The following ARFGEF3 variants were observed in gnomAD, a reference collection of about 807,000 sequenced individuals.
ARFGEF3 encodes ARFGEF family member 3, also known as brefeldin A-inhibited guanine nucleotide-exchange protein 3.
ARFGEF3 carries 96 observed loss-of-function variants against 221.7 expected under a neutral mutation model. That is an observed-to-expected ratio of 0.43 (90% CI 0.37 to 0.51). The LOEUF (loss-of-function observed/expected upper bound fraction) is 0.51. Among genes scored for constraint, ARFGEF3 ranks in the 20% least tolerant of loss-of-function variants. ARFGEF3 has a pLI of 0.00. For missense variants in ARFGEF3, 2,410 were observed against 2,789.9 expected (o/e 0.86, Z 3.07); for synonymous variants, 1,145 against 1,126.8 (o/e 1.02, Z -0.32).
chr6:138,170,657 T>G lies in ARFGEF3; in HGVS notation c.86-5T>G. Reference sequence around the variant, plus strand: ...TATTTTAACTTTGTAATTTTTCTTTTGCAGAAACTCTAGGTGGTCTGGATA... The same window carrying G: ...TATTTTAACTTTGTAATTTTTCTTTGGCAGAAACTCTAGGTGGTCTGGATA... On this transcript the variant is annotated splice_region_variant and splice_polypyrimidine_tract_variant and intron_variant, in intron 1 of 33. Coordinates refer to ENST00000251691, the MANE Select transcript of ARFGEF3 (RefSeq NM_020340.5). 2 of 1,532,346 alleles carry G rather than the reference T, an allele frequency of 1.3e-6. No individual in the cohort carries two copies. The highest frequency in any genetic ancestry group is 1.8e-6 in the Non-Finnish European group (2 of 1,107,310). 94.9% of individuals were successfully genotyped at this position (1,532,346 alleles called of 1,614,324 possible).
chr6:138,229,182 C>T (rs1047224974), intron 4 of ARFGEF3, among the ~76,000 whole-genome samples: 10 of 152,094 alleles, frequency 6.6e-5, no homozygotes, highest in African/African-American at 1.7e-4. Context: ...TTTCTAATTC[C>T]GTGTGGATTT....
chr6:138,221,770 A>T (rs984425562), intron 4 of ARFGEF3, among the ~76,000 whole-genome samples: 1 of 152,194 alleles, frequency 6.6e-6, no homozygotes, highest in African/African-American at 2.4e-5. Context: ...GTGGCAATCA[A>T]TAAAGGCCAG....
rs781460478 is a variant in ARFGEF3, at chr6:138,289,949, T to G, written c.3028T>G (p.Cys1010Gly). 1.2e-6 allele frequency: 2 copies of G among 1,613,302 alleles called. No individual in the cohort carries two copies. Among genetic ancestry groups the G allele is most frequent in the South Asian group, 2.2e-5 (2 of 90,924 alleles). Residue 1010 changes from cysteine (C) to glycine (G), a missense_variant, in exon 18 of 34, where the codon TGC becomes GGC. Transcript: ENST00000251691. Reference sequence around the variant, plus strand: ...GGAGATGGGAAGCCACAACCCGGACTGCTGGCCACACGTGTTCAGGTGCAT... The same window carrying G: ...GGAGATGGGAAGCCACAACCCGGACGGCTGGCCACACGTGTTCAGGTGCAT... ...GLEMGSHNPD[C>G]WPHVFRVCEY... is the part of the protein sequence containing the mutation.
intron 2 of ARFGEF3, among the ~76,000 whole-genome samples, chr6:138,188,285 T>C (rs1777229576): frequency 6.6e-6 from 1 of 152,172 alleles, no homozygotes; most frequent in Non-Finnish European, 1.5e-5. Flanking sequence ...GCGAGAATAA[T>C]CATGTCAGGC....
chr6:138,292,236 A>T (rs1250530099), intron 19 of ARFGEF3, among the ~76,000 whole-genome samples, 183 bp downstream of exon 19: 1 of 152,196 alleles, frequency 6.6e-6, no homozygotes, highest in Non-Finnish European at 1.5e-5. Context: ...GTTTTCTACT[A>T]ACACTGGAGG....
intron 11 of ARFGEF3, among the ~76,000 whole-genome samples, chr6:138,261,935 T>TA (rs1778804251): frequency 7.2e-5 from 11 of 152,210 alleles, no homozygotes; most frequent in Admixed American, 6.5e-4. Flanking sequence ...GATTTCTTCA[T>TA]ATGTAGCCCC....
intron 13 of ARFGEF3, 86 bp from the exon 14 acceptor site, chr6:138,279,913 T>G (rs1008022180): frequency 1.6e-5 from 22 of 1,341,146 alleles, no homozygotes; most frequent in Admixed American, 3.5e-5. Context: ...CAGGGCTCTG[T>G]GACGTGAAGA....
intron 32 of ARFGEF3, among the ~76,000 whole-genome samples, chr6:138,333,186 C>T (rs1294240122): frequency 3.3e-5 from 5 of 152,136 alleles, no homozygotes; most frequent in African/African-American, 7.2e-5. Context: ...GTTTGGCAAA[C>T]ATAGTACAGG....
chr6:138,222,965 G>A (rs542369906), intron 4 of ARFGEF3, among the ~76,000 whole-genome samples: 2 of 152,170 alleles, frequency 1.3e-5, no homozygotes, highest in South Asian at 4.2e-4. Context: ...AAAATTCCTT[G>A]TTTACTCTGT....
chr6:138,298,375 C>A (rs561102028), intron 21 of ARFGEF3, among the ~76,000 whole-genome samples: 2 of 152,168 alleles, frequency 1.3e-5, no homozygotes, highest in African/African-American at 4.8e-5. Flanking sequence ...GGAAACTTTC[C>A]TTTTTCTAGA....
chr6:138,296,514 G>T (rs907370378), intron 20 of ARFGEF3, among the ~76,000 whole-genome samples: 3 of 152,024 alleles, frequency 2.0e-5, no homozygotes, highest in African/African-American at 7.3e-5. Context: ...CCAGACGGTC[G>T]GACTTCTCGG....
At chr6:138,217,141 T>C (rs1175262784) in intron 4 of ARFGEF3, 1 of 152,212 alleles carries the variant, frequency 6.6e-6, no homozygotes, top group African/African-American at 2.4e-5. Context: ...GATTTTCATA[T>C]TATCTATTAA....
At position 138,291,635 on chromosome 6, in the gene ARFGEF3, A is replaced by G; in HGVS notation, c.3048-98A>G. 1 of 812,886 alleles carries G rather than the reference A, an allele frequency of 1.2e-6. No homozygotes were observed. Among genetic ancestry groups the G allele is most frequent in the Non-Finnish European group, 1.7e-6 (1 of 584,836 alleles). The allele number at this position is 812,886 out of a possible 1,614,324, so 50.4% of individuals were successfully genotyped here. On this transcript the variant is annotated intron_variant, in intron 18 of 33. Transcript: ENST00000251691. This position sits in a 1 kb window ranked among gnomAD's most constrained non-coding sequence, Gnocchi z 4.5. ...GAAAGAGGAAAGCTGGGGAGCTTGC[A>G]GAGCTGGCTGCATTTCCTTTGTCTG...
chr6:138,336,728 A>G lies in ARFGEF3; in HGVS notation c.*242A>G, dbSNP rs542932208. 4 of 328,224 alleles carry G rather than the reference A, an allele frequency of 1.2e-5. No individual in the cohort carries two copies. Among genetic ancestry groups the G allele is most frequent in the Non-Finnish European group, 2.2e-5 (4 of 182,576 alleles). The allele number at this position is 328,224 out of a possible 1,614,324, so 20.3% of individuals were successfully genotyped here. On this transcript the variant is annotated 3_prime_UTR_variant, in exon 34 of 34. Transcript: ENST00000251691. ...TGCACATTATTATAGAAGAATCTAT[A>G]ATCCTTGATATGTTTCTAACTCTTG...
chr6:138,169,487 G>T lies in ARFGEF3; in HGVS notation c.86-1175G>T, dbSNP rs541622290. Reference sequence around the variant, plus strand: ...CTCTGTCCTGCGGGAAAACCATGCTGATCTGGTTGTTCACTGTCACTGCCT... The same window carrying T: ...CTCTGTCCTGCGGGAAAACCATGCTTATCTGGTTGTTCACTGTCACTGCCT... On this transcript the variant is annotated intron_variant, in intron 1 of 33. Transcript: ENST00000251691. Among the ~76,000 whole-genome samples the T allele has an allele frequency of 2.0e-5, 3 of 152,304 alleles. No individual in the cohort carries two copies. In the East Asian group the frequency reaches 5.8e-4, roughly 29 times the overall value.
chr6:138,308,923 T>C, intron 24 of ARFGEF3, 62 bp downstream of exon 24: 1 of 1,602,802 alleles, frequency 6.2e-7, no homozygotes, highest in Non-Finnish European at 8.5e-7. Context: ...GGTGGCTCTG[T>C]GGCTGGAGAC....
chr6:138,170,889 G>A (rs1776816283), intron 2 of ARFGEF3, among the ~76,000 whole-genome samples, 176 bp downstream of exon 2: 1 of 152,174 alleles, frequency 6.6e-6, no homozygotes, highest in Admixed American at 6.5e-5. Context: ...TGGAGGCTGA[G>A]AAGTCCAAGA....
At chr6:138,238,247 G>A (rs1048794024) in intron 5 of ARFGEF3, among the ~76,000 whole-genome samples, 11 of 152,104 alleles carry the variant, frequency 7.2e-5, no homozygotes, top group Middle Eastern at 3.2e-3. Flanking sequence ...TCTAAAAATC[G>A]CTAATTTGCG....
At chr6:138,318,437 C>A (rs1482913428) in intron 27 of ARFGEF3, among the ~76,000 whole-genome samples, 4 of 152,092 alleles carry the variant, frequency 2.6e-5, no homozygotes, top group African/African-American at 9.7e-5. Flanking sequence ...ATTATGAACA[C>A]CCTAAATGGG....
Sources: allele counts gnomAD v4.1 joint callset (sites outside exome capture counted in the v4.1 genomes callset), GRCh38; gene constraint gnomAD v4.1.1; non-coding constraint Gnocchi (gnomAD v3.1); transcripts MANE v1.5; gene names NCBI Gene and HGNC (gene_info 2026-07-23, HGNC 2026-07-21).